Variants in FAM222A observed in about 807,000 individuals in gnomAD.
FAM222A encodes the protein family with sequence similarity 222 member A, also known as protein FAM222A.
FAM222A carries 7 observed loss-of-function variants against 25.8 expected under a neutral mutation model. The ratio of observed to expected loss-of-function variants is 0.27; its 90% CI spans 0.15 to 0.51. FAM222A has a LOEUF of 0.51. Ranked by LOEUF, FAM222A falls within the 20% of genes least tolerant of loss-of-function variation. The probability of loss-of-function intolerance (pLI) is 0.97; values close to 1 mark genes in which losing one functional copy is unlikely to be tolerated. For synonymous variants in FAM222A, 294 were observed against 298.8 expected (o/e 0.98, Z 0.17); for missense variants, 573 against 640.5 (o/e 0.89, Z 1.14).
At chr12:109,751,792 A>G (rs1888565256) in intron 2 of FAM222A, among the ~76,000 whole-genome samples, 1 of 152,192 alleles carries the variant, frequency 6.6e-6, no homozygotes, top group Admixed American at 6.5e-5. Context: ...ACTTTTGGAA[A>G]GTGTTTGCTG....
chr12:109,744,267 G>A lies in FAM222A; in HGVS notation c.82+39G>A, dbSNP rs368105995. 8.8e-5 allele frequency: 140 copies of A among 1,588,668 alleles called. 1 individual carries two copies. The highest frequency in any genetic ancestry group is 1.7e-4 in the Middle Eastern group (1 of 6,028). On this transcript the variant is annotated intron_variant, in intron 2 of 2. Coordinates refer to ENST00000538780, the MANE Select transcript of FAM222A (RefSeq NM_032829.3). ...CTCCCCAGCCTTTGCAGGGCAGGTC[G>A]TGGGCAGAGAACGCCATTCACCCCC...
chr12:109,761,239 G>GC (rs562744581), intron 2 of FAM222A, among the ~76,000 whole-genome samples: 38 of 152,062 alleles, frequency 2.5e-4, no homozygotes, highest in South Asian at 1.0e-3. Flanking sequence ...CTGTAAGGCT[G>GC]CCCCCCCAGG....
rs150147328 is a variant in FAM222A, at chr12:109,760,391, C to G, written c.83-7621C>G. On this transcript the variant is annotated intron_variant, in intron 2 of 2. Coordinates refer to ENST00000538780, the MANE Select transcript of FAM222A (RefSeq NM_032829.3). Reference sequence around the variant, plus strand: ...GGGCACATCAGTGTGAGAGAATGGGCCCGAGCCACAGTACCAACGCTGCCC... The same window carrying G: ...GGGCACATCAGTGTGAGAGAATGGGGCCGAGCCACAGTACCAACGCTGCCC... 2.8e-3 allele frequency among the ~76,000 whole-genome samples: 428 copies of G among 152,230 alleles called. 1 individual carries two copies. The highest frequency in any genetic ancestry group is 1.0e-2 in the South Asian group (48 of 4,804).
At chr12:109,722,205 G>A (rs1245916561) in intron 1 of FAM222A, among the ~76,000 whole-genome samples, 1 of 152,234 alleles carries the variant, frequency 6.6e-6, no homozygotes, top group Non-Finnish European at 1.5e-5. Context: ...TACTAAGGGA[G>A]CAGTGTGTAA....
intron 2 of FAM222A, among the ~76,000 whole-genome samples, chr12:109,762,635 G>A (rs775254041): frequency 6.6e-5 from 10 of 152,114 alleles, no homozygotes; most frequent in African/African-American, 1.4e-4. Flanking sequence ...CTAAACACTC[G>A]CAGCTGGGCC....
chr12:109,768,764 G>A lies in FAM222A; in HGVS notation c.835G>A (p.Ala279Thr), dbSNP rs532999688. 101 of 1,580,934 alleles carry A rather than the reference G, an allele frequency of 6.4e-5. No homozygotes were observed. In the East Asian group the frequency reaches 1.9e-3, roughly 30 times the overall value. ...TGGGGCCGCCAAGCCTGCAGGGTACGCAGACAGCGGCCTGGATTACCTGCT... is the reference window on the plus strand; with the variant it reads ...TGGGGCCGCCAAGCCTGCAGGGTACACAGACAGCGGCCTGGATTACCTGCT... ...LAGAAKPAGY[A>T]DSGLDYLLWP... is the part of the protein sequence containing the mutation. Residue 279 changes from alanine (A) to threonine (T), a missense_variant, in exon 3 of 3, where the codon GCA (alanine) becomes ACA (threonine). By Grantham distance (58) the Ala-to-Thr change is moderately conservative (BLOSUM62 0). Coordinates refer to ENST00000538780, the MANE Select transcript of FAM222A (RefSeq NM_032829.3).
At chr12:109,730,305 A>T (rs1887922656) in intron 1 of FAM222A, among the ~76,000 whole-genome samples, 1 of 151,016 alleles carries the variant, frequency 6.6e-6, no homozygotes. Context: ...TCTGTGCCTC[A>T]GTTTCCCCCC....
chr12:109,738,395 G>A (rs1039694283), intron 1 of FAM222A, among the ~76,000 whole-genome samples: 52 of 152,278 alleles, frequency 3.4e-4, no homozygotes, highest in African/African-American at 1.1e-3. Flanking sequence ...CGGGCCCTGG[G>A]CCTCTCACCA....
At chr12:109,754,443 T>A (rs1888653541) in intron 2 of FAM222A, among the ~76,000 whole-genome samples, 1 of 152,168 alleles carries the variant, frequency 6.6e-6, no homozygotes, top group Non-Finnish European at 1.5e-5. Flanking sequence ...AATGCAACCG[T>A]ACTCCTTGAC....
At chr12:109,739,804 A>T (rs139399604) in intron 1 of FAM222A, among the ~76,000 whole-genome samples, 42 of 152,306 alleles carry the variant, frequency 2.8e-4, no homozygotes, top group Non-Finnish European at 4.3e-4. Flanking sequence ...TCTGCTATCT[A>T]AAAGCTATGT....
chr12:109,755,745 A>G (rs1376745734), intron 2 of FAM222A, among the ~76,000 whole-genome samples: 3 of 152,298 alleles, frequency 2.0e-5, no homozygotes, highest in Non-Finnish European at 1.5e-5. Context: ...TCTTTCTCCT[A>G]TTGAGTTGTT....
chr12:109,740,884 G>C (rs1234587797), intron 1 of FAM222A, among the ~76,000 whole-genome samples: 1 of 152,226 alleles, frequency 6.6e-6, no homozygotes, highest in African/African-American at 2.4e-5. Flanking sequence ...AGGAAGGGAA[G>C]GGTGAGCCAG....
In FAM222A at chr12:109,768,443, C is replaced by T. The variant is rs1889127202; in HGVS notation, c.514C>T (p.Leu172=). ...PPEAPAPPPG[L]PAAATAASVI... ...TGAGGCGCCTGCTCCACCACCCGGC[C>T]TGCCCGCAGCCGCCACTGCCGCCTC... The change falls in exon 3 of 3, where the codon CTG becomes TTG. Residue 172 remains leucine (L), a synonymous_variant. Coordinates refer to ENST00000538780, the MANE Select transcript of FAM222A (RefSeq NM_032829.3). 6.3e-7 allele frequency: 1 copy of T among 1,599,822 alleles called. No homozygotes were observed. Among genetic ancestry groups the T allele is most frequent in the Non-Finnish European group, 8.5e-7 (1 of 1,178,822 alleles).
Position 109,770,129 on chromosome 12 carries a change from G to T in FAM222A, c.*841G>T, listed in dbSNP as rs1435003746. ...CACAAAGGCACCACAGGGGCTAACA[G>T]TGGGCCTGCAATCTTAGATCCCATC... On this transcript the variant is annotated 3_prime_UTR_variant, in exon 3 of 3. Transcript: ENST00000538780. 1 of 152,384 alleles carries T rather than the reference G, an allele frequency of 6.6e-6. No individual in the cohort carries two copies. The highest frequency in any genetic ancestry group is 1.5e-5 in the Non-Finnish European group (1 of 68,056). 9.4% of individuals were successfully genotyped at this position (152,384 alleles called of 1,614,324 possible).
chr12:109,757,565 A>G (rs1041413922), intron 2 of FAM222A, among the ~76,000 whole-genome samples: 1 of 152,242 alleles, frequency 6.6e-6, no homozygotes, highest in Non-Finnish European at 1.5e-5. Context: ...AAGCAAAACC[A>G]TATCATTCTT....
intron 2 of FAM222A, among the ~76,000 whole-genome samples, chr12:109,763,654 G>T (rs1292585055): frequency 6.6e-6 from 1 of 152,232 alleles, no homozygotes; most frequent in Non-Finnish European, 1.5e-5. Context: ...CGAGTGAGGA[G>T]GAAGCCACAA....
At chr12:109,733,182 A>G (rs1190141123) in intron 1 of FAM222A, among the ~76,000 whole-genome samples, 1 of 152,220 alleles carries the variant, frequency 6.6e-6, no homozygotes, top group Non-Finnish European at 1.5e-5. Context: ...GAACATTTGC[A>G]GTGAGGCAAG....
chr12:109,759,604 G>C (rs112382952), intron 2 of FAM222A, among the ~76,000 whole-genome samples: 2 of 152,308 alleles, frequency 1.3e-5, no homozygotes, highest in East Asian at 1.9e-4. Context: ...GCGGCAGTTC[G>C]TCCAGCACTT....
intron 1 of FAM222A, among the ~76,000 whole-genome samples, chr12:109,727,515 T>A (rs1887865358): frequency 6.6e-6 from 1 of 152,160 alleles, no homozygotes; most frequent in Non-Finnish European, 1.5e-5. Flanking sequence ...AGGCAGCCAT[T>A]AACCTGGTTT....
Sources: allele counts gnomAD v4.1 joint callset (sites outside exome capture counted in the v4.1 genomes callset), GRCh38; gene constraint gnomAD v4.1.1; transcripts MANE v1.5; gene names NCBI Gene and HGNC (gene_info 2026-07-23, HGNC 2026-07-21).